TPSG1: variants seen among roughly 807,000 people sequenced by gnomAD.
The protein encoded by TPSG1 is tryptase gamma 1, also known as tryptase gamma.
A neutral mutation model predicts 23.8 loss-of-function variants in TPSG1; 43 were observed. The ratio of observed to expected loss-of-function variants is 1.81; its 90% CI spans 1.42 to 2.33. The LOEUF is 2.33. TPSG1 is among the 30% of genes most tolerant of loss of function. The probability of loss-of-function intolerance (pLI) is 0.00; values close to 1 mark genes in which losing one functional copy is unlikely to be tolerated. For synonymous variants in TPSG1, 302 were observed against 201.3 expected (o/e 1.50, Z -4.23); for missense variants, 623 against 438.6 (o/e 1.42, Z -3.75).
In TPSG1 at chr16:1,221,721, G is replaced by C. The variant is rs1596484096; in HGVS notation, c.*67C>G. The C allele has an allele frequency of 7.0e-7, 1 of 1,424,256 alleles. No homozygotes were observed. Among genetic ancestry groups the C allele is most frequent in the African/African-American group, 1.4e-5 (1 of 70,312 alleles). 88.2% of individuals were successfully genotyped at this position (1,424,256 alleles called of 1,614,324 possible). On this transcript the variant is annotated 3_prime_UTR_variant, in exon 6 of 6. Coordinates refer to ENST00000234798, the MANE Select transcript of TPSG1 (RefSeq NM_012467.4). ...TGATGCAGAAGACTCAGCTTCTCAA[G>C]GGAGAGGGAGGGGGCGGAGCGGAAT... is the stretch of plus-strand genomic sequence containing the variant.
At chr16:1,223,952 C>G in intron 2 of TPSG1, 1 of 279,274 alleles carries the variant, frequency 3.6e-6, no homozygotes, top group Non-Finnish European at 6.5e-6. Flanking sequence ...TAGTGGGCCC[C>G]GGTTTTCCTT....
chr16:1,225,004 G>A (rs958079210), intron 1 of TPSG1, among the ~76,000 whole-genome samples: 7 of 117,904 alleles, frequency 5.9e-5, no homozygotes, highest in African/African-American at 1.9e-4. Flanking sequence ...ACTCCCACCC[G>A]CACATCCCTC....
At chr16:1,223,250 CT>C (rs1422332668) in intron 3 of TPSG1, among the ~76,000 whole-genome samples, 172 bp downstream of exon 3, 1 of 152,252 alleles carries the variant, frequency 6.6e-6, no homozygotes. Context: ...GAGCAAAGAG[CT>C]GCAGAACCTC....
At chr16:1,222,607 G>T (rs763274257) in intron 4 of TPSG1, 45 bp downstream of exon 4, 2 of 1,517,130 alleles carry the variant, frequency 1.3e-6, no homozygotes, top group Non-Finnish European at 8.8e-7. Flanking sequence ...TCTTCCTGCC[G>T]CCCTTGCCTT....
chr16:1,223,392 T>A, intron 3 of TPSG1, 31 bp downstream of exon 3: 1 of 1,551,968 alleles, frequency 6.4e-7, no homozygotes. Flanking sequence ...GCCTGGACAT[T>A]GAGACTGCCC....
At chr16:1,223,929 G>C (rs1883562) in intron 2 of TPSG1, 1 of 345,434 alleles carries the variant, frequency 2.9e-6, no homozygotes, top group Non-Finnish European at 5.2e-6. Context: ...CCGGGGTGCT[G>C]GGGGTGGCTG....
intron 3 of TPSG1, 101 bp downstream of exon 3, chr16:1,223,322 A>C: frequency 7.3e-7 from 1 of 1,374,366 alleles, no homozygotes; most frequent in Non-Finnish European, 9.6e-7. Context: ...CAGAGTTCCC[A>C]AGCCTCGGAG....
rs1970558299 is a variant in TPSG1, at chr16:1,222,770, G to A, written c.393C>T (p.Leu131=). The change falls in exon 4 of 6, where the codon CTC becomes CTT. Residue 131 remains leucine, a synonymous_variant. Coordinates refer to ENST00000234798, the MANE Select transcript of TPSG1 (RefSeq NM_012467.4). The part of the protein sequence containing the change: ...GTSGDIALVE[L]SVPVTLSSRI... ...GGCTGGAGAGGGTCACGGGGACACT[G>A]AGCTCCACCAGGGCGATGTCCCCGC... 6.2e-7 allele frequency: 1 copy of A among 1,612,290 alleles called. No homozygotes were observed. Among genetic ancestry groups the A allele is most frequent in the Non-Finnish European group, 8.5e-7 (1 of 1,179,798 alleles).
intron 1 of TPSG1, chr16:1,224,902 T>G (rs1279955035): frequency 1.7e-5 from 10 of 590,936 alleles, no homozygotes; most frequent in South Asian, 1.5e-4. Context: ...AGGAAAGAAA[T>G]CACCAGTGTT....
At position 1,222,657 on chromosome 16, in the gene TPSG1, T is replaced by A; in HGVS notation, c.506A>T (p.Glu169Val). Residue 169 changes from glutamate to valine, a missense_variant, in exon 4 of 6, where the codon GAG becomes GTG. Physicochemically the swap from Glu to Val is moderately radical, Grantham distance 121 (BLOSUM62 -2). Coordinates refer to ENST00000234798, the MANE Select transcript of TPSG1 (RefSeq NM_012467.4). Reference sequence around the variant, plus strand: ...TCCCCACGGGGGCTCCTCACCTCCCTCCCGCGTATAGCCCCAGCCGGTCAC... The same window carrying A: ...TCCCCACGGGGGCTCCTCACCTCCCACCCGCGTATAGCCCCAGCCGGTCAC... Reference protein sequence around the residue: ...CWVTGWGYTREGEPLPPPYSL... With the variant: ...CWVTGWGYTRVGEPLPPPYSL... The A allele has an allele frequency of 1.3e-6, 2 of 1,549,130 alleles. No homozygotes were observed. Among genetic ancestry groups the A allele is most frequent in the Non-Finnish European group, 1.8e-6 (2 of 1,142,186 alleles).
Position 1,222,788 on chromosome 16 carries a change from G to A in TPSG1, c.375C>T (p.Asp125=). ...GGACACTGAGCTCCACCAGGGCGATGTCCCCGCTGGTCCCCGGCTGTCCTG... is the reference window on the plus strand; with the variant it reads ...GGACACTGAGCTCCACCAGGGCGATATCCCCGCTGGTCCCCGGCTGTCCTG... ...SPSGQPGTSG[D]IALVELSVPV... is the part of the protein sequence containing the mutation. Residue 125 remains aspartate, a synonymous_variant, in exon 4 of 6, where the codon GAC becomes GAT. Transcript: ENST00000234798. 6.2e-7 allele frequency: 1 copy of A among 1,612,222 alleles called. No homozygotes were observed. Among genetic ancestry groups the A allele is most frequent in the Non-Finnish European group, 8.5e-7 (1 of 1,179,808 alleles).
Position 1,223,538 on chromosome 16 carries a change from C to G in TPSG1, c.130G>C (p.Ala44Pro). The change falls in exon 3 of 6, where the codon GCC (alanine) becomes CCC (proline). Residue 44 changes from alanine to proline, a missense_variant. Ala to Pro is a conservative substitution (Grantham distance 27). Transcript: ENST00000234798. ...AGGRIVGGHA[A>P]PAGAWPWQAS... The stretch of plus-strand genomic sequence containing the variant: ...TGCCATGGCCATGCGCCGGCCGGGG[C>G]AGCGTGACCCCCCACGATCCGGCCG... 1.3e-6 allele frequency: 2 copies of G among 1,548,916 alleles called. No individual in the cohort carries two copies. The highest frequency in any genetic ancestry group is 1.4e-5 in the African/African-American group (1 of 73,380).
chr16:1,223,345 A>C, intron 3 of TPSG1, 78 bp downstream of exon 3: 1 of 1,448,286 alleles, frequency 6.9e-7, no homozygotes, highest in Non-Finnish European at 9.1e-7. Context: ...AGTCAAGACC[A>C]AGTGGAGGCC....
Position 1,222,102 on chromosome 16 carries a change from G to A in TPSG1, c.658-6C>T, listed in dbSNP as rs1269615353. 2.5e-6 allele frequency: 4 copies of A among 1,612,706 alleles called. No individual in the cohort carries two copies. Among genetic ancestry groups the A allele is most frequent in the African/African-American group, 2.7e-5 (2 of 75,044 alleles). ...AGAGGCCCCCCGGAGTCGTCCTGAG[G>A]ACAGAGAAGGCGAGCATTGGGAGCC... is the stretch of plus-strand genomic sequence containing the variant. On this transcript the variant is annotated splice_region_variant and splice_polypyrimidine_tract_variant and intron_variant, in intron 5 of 5. Transcript: ENST00000234798.
Position 1,222,807 on chromosome 16 carries a change from T to G in TPSG1, c.356A>C (p.Gln119Pro), listed in dbSNP as rs1970560324. 6.2e-7 allele frequency: 1 copy of G among 1,612,186 alleles called. No individual in the cohort carries two copies. The highest frequency in any genetic ancestry group is 8.5e-7 in the Non-Finnish European group (1 of 1,179,794). Residue 119 changes from glutamine to proline, a missense_variant, in exon 4 of 6, where the codon CAG becomes CCG. Gln to Pro is a moderately conservative substitution (Grantham distance 76). Transcript: ENST00000234798. ...GGCGATGTCCCCGCTGGTCCCCGGC[T>G]GTCCTGAGGGGCTGGAGTGCAGGAT... Reference protein sequence around the residue: ...QIILHSSPSGQPGTSGDIALV... With the variant: ...QIILHSSPSGPPGTSGDIALV...
chr16:1,224,507 C>G (rs1193751592), intron 2 of TPSG1, 95 bp downstream of exon 2: 1 of 1,538,400 alleles, frequency 6.5e-7, no homozygotes. Context: ...CCCCGGGCCC[C>G]CATTGGGACC....
In TPSG1 at chr16:1,221,929, T is replaced by C; in HGVS notation, c.825A>G (p.Ser275=). The change falls in exon 6 of 6, where the codon TCA becomes TCG. Residue 275 remains serine, a synonymous_variant. Transcript: ENST00000234798. ...GGGGGAGCCTGGGGTACCCAGACTCTGAGCCCCCTGATGCTGTGATGTGGC... is the reference window on the plus strand; with the variant it reads ...GGGGGAGCCTGGGGTACCCAGACTCCGAGCCCCCTGATGCTGTGATGTGGC... ...IRRHITASGG[S]ESGYPRLPLL... 1 of 1,611,588 alleles carries C rather than the reference T, an allele frequency of 6.2e-7. No individual in the cohort carries two copies. The highest frequency in any genetic ancestry group is 8.5e-7 in the Non-Finnish European group (1 of 1,179,094).
chr16:1,222,729 C>T lies in TPSG1; in HGVS notation c.434G>A (p.Cys145Tyr), dbSNP rs768784959. 5.0e-6 allele frequency: 8 copies of T among 1,610,428 alleles called. No individual in the cohort carries two copies. The East Asian group carries it at 6.7e-5, about 13-fold the overall frequency. ...VTLSSRILPV[C>Y]LPEASDDFCP... ...GAAGTCATCTGAGGCCTCCGGGAGG[C>T]AGACGGGCAGGATCCGGCTGGAGAG... The change falls in exon 4 of 6, where the codon TGC becomes TAC. Residue 145 changes from cysteine (C) to tyrosine (Y), a missense_variant. Coordinates refer to ENST00000234798, the MANE Select transcript of TPSG1 (RefSeq NM_012467.4).
rs1357838397 is a variant in TPSG1, at chr16:1,223,420, C to T, written c.245+3G>A. 9 of 1,579,354 alleles carry T rather than the reference C, an allele frequency of 5.7e-6. No homozygotes were observed. The highest frequency in any genetic ancestry group is 1.2e-5 in the South Asian group (1 of 86,300). ...GACTGCCCCTGCCCACCCGGACACT[C>T]ACCCGGAGAAGCAGTGGGCAGCTGT... On this transcript the variant is annotated splice_donor_region_variant and intron_variant, in intron 3 of 5. Transcript: ENST00000234798.
Sources: allele counts gnomAD v4.1 joint callset (sites outside exome capture counted in the v4.1 genomes callset), GRCh38; gene constraint gnomAD v4.1.1; transcripts MANE v1.5; gene names NCBI Gene and HGNC (gene_info 2026-07-23, HGNC 2026-07-21).